The following CIROZ variants were observed in gnomAD, a reference collection of about 807,000 sequenced individuals.
The protein encoded by CIROZ is ciliated left-right organizer ZP-N domains-containing protein.
At chr1:10,947,549 T>C in the CIROZ span, 4 of 931,342 alleles carry the variant, frequency 4.3e-6, no homozygotes, top group Non-Finnish European at 3.0e-6. Context: ...GGGGCTTCCC[T>C]GGAAAGACGG....
At chr1:10,960,239 A>G in the CIROZ span, among the ~76,000 whole-genome samples, 1 of 152,168 alleles carries the variant, frequency 6.6e-6, no homozygotes, top group South Asian at 2.1e-4. This position sits in a 1 kb window ranked among gnomAD's most constrained non-coding sequence, Gnocchi z 4.6. Context: ...AATACAAAAA[A>G]TAAAAAATAA....
the CIROZ span, among the ~76,000 whole-genome samples, chr1:10,978,201 C>T: frequency 8.6e-5 from 13 of 150,990 alleles, no homozygotes; most frequent in East Asian, 2.0e-4. Flanking sequence ...TTAGCCACCA[C>T]GCCCGGCTAA....
At chr1:10,975,804 C>A in the CIROZ span, among the ~76,000 whole-genome samples, 1 of 152,048 alleles carries the variant, frequency 6.6e-6, no homozygotes, top group African/African-American at 2.4e-5. Context: ...CTGGACTTCG[C>A]GTCATCATCT....
At chr1:10,958,951 G>A in the CIROZ span, among the ~76,000 whole-genome samples, 1 of 152,134 alleles carries the variant, frequency 6.6e-6, no homozygotes, top group Middle Eastern at 3.2e-3. Context: ...GCAGGGAAAT[G>A]TCACTGCCTC....
chr1:10,953,880 T>G, the CIROZ span: 1 of 1,262,416 alleles, frequency 7.9e-7, no homozygotes, highest in Non-Finnish European at 1.1e-6. Context: ...GACACCTCAC[T>G]TACCTTGTAG....
At chr1:10,956,890 A>G in the CIROZ span, 14 of 754,382 alleles carry the variant, frequency 1.9e-5, no homozygotes, top group Non-Finnish European at 2.9e-5. Flanking sequence ...TGAAACGCAT[A>G]GCCAAGGTTG....
the CIROZ span, among the ~76,000 whole-genome samples, chr1:10,968,526 G>T: frequency 3.3e-5 from 5 of 152,302 alleles, no homozygotes; most frequent in South Asian, 1.0e-3. Flanking sequence ...GTGAAAGGTA[G>T]CTCGCTGGGG....
the CIROZ span, among the ~76,000 whole-genome samples, chr1:10,975,320 C>T: frequency 6.7e-6 from 1 of 149,314 alleles, no homozygotes; most frequent in South Asian, 2.1e-4. Context: ...GCAGGAGAAT[C>T]GCTTCAACCC....
the CIROZ span, chr1:10,949,605 G>A: frequency 1.7e-4 from 269 of 1,590,424 alleles, no homozygotes; most frequent in African/African-American, 3.1e-3. Flanking sequence ...ATGGGCAGAG[G>A]ATGCAGCCAT....
At chr1:10,980,672 G>A in the CIROZ span, among the ~76,000 whole-genome samples, 7 of 152,188 alleles carry the variant, frequency 4.6e-5, no homozygotes, top group South Asian at 8.3e-4. Flanking sequence ...GAATCGGCCC[G>A]GTGGCAGGTG....
chr1:10,965,865 C>T, the CIROZ span, among the ~76,000 whole-genome samples: 1 of 151,838 alleles, frequency 6.6e-6, no homozygotes, highest in Non-Finnish European at 1.5e-5. Flanking sequence ...TATCTTGCTT[C>T]TGTAAATTTT....
the CIROZ span, among the ~76,000 whole-genome samples, chr1:10,960,563 C>T: frequency 6.6e-6 from 1 of 152,246 alleles, no homozygotes; most frequent in African/African-American, 2.4e-5. The surrounding 1 kb of genome is among the most constrained non-coding windows in gnomAD (Gnocchi z 4.6). Context: ...CTAATCACTG[C>T]ATTGAGTTTA....
At chr1:10,955,663 T>G in the CIROZ span, among the ~76,000 whole-genome samples, 1 of 152,004 alleles carries the variant, frequency 6.6e-6, no homozygotes, top group South Asian at 2.1e-4. Context: ...GCCTACATGG[T>G]GAAACCCCAT....
chr1:10,951,745 A>AATATATATAT, the CIROZ span, among the ~76,000 whole-genome samples: 1 of 119,196 alleles, frequency 8.4e-6, no homozygotes, highest in African/African-American at 3.6e-5. Flanking sequence ...AAAAAAAAAA[A>AATATATATAT]ATATATATAT....
chr1:10,976,261 G>T, the CIROZ span: 608 of 1,532,382 alleles, frequency 4.0e-4, 2 homozygotes, highest in Middle Eastern at 4.3e-3. Flanking sequence ...ACGGCCCTGC[G>T]GGAGAGGAGG....
chr1:10,973,940 G>A, the CIROZ span, among the ~76,000 whole-genome samples: 1 of 146,660 alleles, frequency 6.8e-6, no homozygotes, highest in African/African-American at 2.6e-5. Context: ...CTGCACCCTC[G>A]GGGACCCCAG....
chr1:10,953,523 G>C, the CIROZ span, among the ~76,000 whole-genome samples: 1,061 of 152,288 alleles, frequency 7.0e-3, 10 homozygotes, highest in African/African-American at 0.024. Context: ...CTTTGCCAAG[G>C]ACACTCGTCT....
the CIROZ span, among the ~76,000 whole-genome samples, chr1:10,962,769 T>A: frequency 6.6e-6 from 1 of 152,146 alleles, no homozygotes; most frequent in African/African-American, 2.4e-5. Flanking sequence ...GAAGGTGAGA[T>A]GAGTTAATAT....
chr1:10,954,377 C>T, the CIROZ span, among the ~76,000 whole-genome samples: 16 of 151,868 alleles, frequency 1.1e-4, no homozygotes, highest in South Asian at 3.1e-3. Flanking sequence ...TCGCTTGAAC[C>T]CAGGAGGAGG....
Sources: allele counts gnomAD v4.1 joint callset (sites outside exome capture counted in the v4.1 genomes callset), GRCh38; gene constraint gnomAD v4.1.1; non-coding constraint Gnocchi (gnomAD v3.1); transcripts MANE v1.5; gene names NCBI Gene and HGNC (gene_info 2026-07-23, HGNC 2026-07-21).